The following ADAMTS19 variants were observed in gnomAD, a reference collection of about 807,000 sequenced individuals.
ADAMTS19 encodes the protein A disintegrin and metalloproteinase with thrombospondin motifs 19.
Under a neutral mutation model 153.3 loss-of-function variants are expected in ADAMTS19, and 93 were observed. That is an observed-to-expected ratio of 0.61 (90% confidence interval 0.51 to 0.72). The LOEUF (loss-of-function observed/expected upper bound fraction) is 0.72. Among genes scored for constraint, ADAMTS19 ranks in the 30% least tolerant of loss-of-function variants. ADAMTS19 has a pLI of 0.00. For synonymous variants in ADAMTS19, 600 were observed against 556.6 expected, an observed-to-expected ratio of 1.08 and a Z score of -1.10; for missense variants, 1,482 against 1,552.1, an observed-to-expected ratio of 0.95 and a Z score of 0.76.
intron 8 of ADAMTS19, among the ~76,000 whole-genome samples, chr5:129,599,831 G>T (rs755564349): frequency 6.6e-6 from 1 of 152,084 alleles, no homozygotes; most frequent in Admixed American, 6.6e-5. Context: ...ATAGAGATGT[G>T]CCAAAGGTAT....
chr5:129,581,213 T>G (rs1243283159), intron 7 of ADAMTS19, among the ~76,000 whole-genome samples: 1 of 152,030 alleles, frequency 6.6e-6, no homozygotes, highest in African/African-American at 2.4e-5. Flanking sequence ...TTTTCTAGTT[T>G]ATTTGCATTG....
chr5:129,468,858 C>T (rs1749966079), intron 2 of ADAMTS19, among the ~76,000 whole-genome samples: 1 of 151,890 alleles, frequency 6.6e-6, no homozygotes, highest in Non-Finnish European at 1.5e-5. Flanking sequence ...CTCACTGCAA[C>T]CTCCGTCTCC....
At chr5:129,487,079 A>T (rs1274590718) in intron 2 of ADAMTS19, among the ~76,000 whole-genome samples, 11 of 152,210 alleles carry the variant, frequency 7.2e-5, no homozygotes, top group Admixed American at 6.5e-5. Flanking sequence ...AATGTTTTCC[A>T]AGAATAATTT....
In ADAMTS19 at chr5:129,648,900, A is replaced by G. The variant is rs2127042735; in HGVS notation, c.2106A>G (p.Gln702=). 1.2e-6 allele frequency: 2 copies of G among 1,613,900 alleles called. No homozygotes were observed. The highest frequency in any genetic ancestry group is 1.1e-5 in the South Asian group (1 of 91,044). ...PAGLPGFRDW[Q]CQAYSVRTSS... ...GTTTGCCTGGATTCAGAGACTGGCA[A>G]TGTCAGGCTTATAGTGTTAGAACTT... The change falls in exon 13 of 23, where the codon CAA becomes CAG. Residue 702 remains glutamine, a synonymous_variant. Coordinates refer to ENST00000274487, the MANE Select transcript of ADAMTS19 (RefSeq NM_133638.6).
intron 21 of ADAMTS19, among the ~76,000 whole-genome samples, chr5:129,722,143 T>C (rs1034531113): frequency 6.6e-6 from 1 of 152,180 alleles, no homozygotes; most frequent in African/African-American, 2.4e-5. Flanking sequence ...GATCAAATGG[T>C]ATTTCTGGTT....
chr5:129,658,333 G>GAAAGAAAGAA (rs1753654561), intron 14 of ADAMTS19, among the ~76,000 whole-genome samples: 4 of 104,478 alleles, frequency 3.8e-5, no homozygotes, highest in African/African-American at 9.4e-5. Context: ...AAGAAAGAAA[G>GAAAGAAAGAA]AAAGAAAGAA....
intron 9 of ADAMTS19, 135 bp from the exon 10 acceptor site, chr5:129,622,063 T>A (rs1393072877): frequency 1.2e-6 from 1 of 815,208 alleles, no homozygotes; most frequent in African/African-American, 1.8e-5. Flanking sequence ...TATAGAATAA[T>A]TTCTATGAGT....
At chr5:129,720,694 A>G (rs1756962778) in intron 21 of ADAMTS19, among the ~76,000 whole-genome samples, 1 of 152,228 alleles carries the variant, frequency 6.6e-6, no homozygotes, top group South Asian at 2.1e-4. Flanking sequence ...CATGGAGTGC[A>G]GAAGCCATAC....
intron 7 of ADAMTS19, among the ~76,000 whole-genome samples, chr5:129,553,467 T>C (rs1753204002): frequency 6.6e-6 from 1 of 152,216 alleles, no homozygotes; most frequent in East Asian, 1.9e-4. Context: ...TGTGTTCTGA[T>C]AATCAGAGTA....
At chr5:129,524,026 A>T (rs976545001) in intron 3 of ADAMTS19, among the ~76,000 whole-genome samples, 4 of 152,132 alleles carry the variant, frequency 2.6e-5, no homozygotes, top group Admixed American at 6.5e-5. Flanking sequence ...CAAAAAGAAA[A>T]AAGCTGGGGG....
In ADAMTS19 at chr5:129,702,352, C is replaced by T. The variant is rs182058347; in HGVS notation, c.3159+760C>T. On this transcript the variant is annotated intron_variant, in intron 20 of 22. Transcript: ENST00000274487. ...ACTCATATAAACATACTTATATACT[C>T]ATGTTCACACATGTACCAACACACC... is the stretch of plus-strand genomic sequence containing the variant. Among the ~76,000 whole-genome samples, 16 of 152,282 alleles carry T rather than the reference C, an allele frequency of 1.1e-4. No individual in the cohort carries two copies. The East Asian group carries it at 2.9e-3, about 28-fold the overall frequency.
rs1753666749 is a variant in ADAMTS19 at position 129,658,347 on chromosome 5, A to AAGAAAGAAAGAAAGAAAGAGAGAGAGAG, written c.2305-251_2305-250insGAGAGAGAGAGAAAGAAAGAAAGAAAGA. ...AAAGAAAGAAAGAAAGAAAGAAAGA[A>AAGAAAGAAAGAAAGAAAGAGAGAGAGAG]AGAAAGAAAGAAAGAAAGAAAGAGA... On this transcript the variant is annotated intron_variant, in intron 14 of 22. Coordinates refer to ENST00000274487, the MANE Select transcript of ADAMTS19 (RefSeq NM_133638.6). Among the ~76,000 whole-genome samples, 52 of 116,054 alleles carry AAGAAAGAAAGAAAGAAAGAGAGAGAGAG rather than the reference A, an allele frequency of 4.5e-4. 3 individuals are homozygous for AAGAAAGAAAGAAAGAAAGAGAGAGAGAG. Among genetic ancestry groups the AAGAAAGAAAGAAAGAAAGAGAGAGAGAG allele is most frequent in the Middle Eastern group, 4.7e-3 (1 of 212 alleles). 76.1% of individuals were successfully genotyped at this position (116,054 alleles called of 152,430 possible).
In ADAMTS19 at chr5:129,634,113, G is replaced by A. The variant is rs952786572; in HGVS notation, c.1771-7746G>A. 2.0e-5 allele frequency among the ~76,000 whole-genome samples: 3 copies of A among 152,314 alleles called. No individual in the cohort carries two copies. In the South Asian group the frequency reaches 6.2e-4, roughly 32 times the overall value. ...TCTATCAGGTTAAAGCTGCAAAGATGATGAACTAACCTTGTGCCAGTGTTT... is the reference window on the plus strand; with the variant it reads ...TCTATCAGGTTAAAGCTGCAAAGATAATGAACTAACCTTGTGCCAGTGTTT... On this transcript the variant is annotated intron_variant, in intron 10 of 22. Transcript: ENST00000274487.
At chr5:129,486,649 A>T (rs926996179) in intron 2 of ADAMTS19, among the ~76,000 whole-genome samples, 1 of 152,080 alleles carries the variant, frequency 6.6e-6, no homozygotes. Flanking sequence ...TTGAAAAGCC[A>T]CTTACTTCCC....
At chr5:129,656,501 T>A (rs1000395634) in intron 14 of ADAMTS19, among the ~76,000 whole-genome samples, 1 of 152,202 alleles carries the variant, frequency 6.6e-6, no homozygotes, top group Non-Finnish European at 1.5e-5. Context: ...TGTGATTTTC[T>A]CTTACTGAAA....
intron 19 of ADAMTS19, among the ~76,000 whole-genome samples, chr5:129,696,568 G>A (rs941050271): frequency 8.5e-5 from 13 of 152,174 alleles, no homozygotes; most frequent in African/African-American, 3.1e-4. Flanking sequence ...TGTGGATCAT[G>A]ACCCATGACA....
intron 7 of ADAMTS19, among the ~76,000 whole-genome samples, chr5:129,560,950 C>T (rs1323733496): frequency 6.6e-6 from 1 of 152,034 alleles, no homozygotes; most frequent in Admixed American, 6.6e-5. Context: ...CTTTGTACTC[C>T]TTTACATTCT....
At chr5:129,523,901 T>C (rs914619249) in intron 3 of ADAMTS19, among the ~76,000 whole-genome samples, 5 of 152,194 alleles carry the variant, frequency 3.3e-5, no homozygotes, top group Non-Finnish European at 4.4e-5. Flanking sequence ...AAGTAATTTA[T>C]AGATTCAGTG....
intron 8 of ADAMTS19, among the ~76,000 whole-genome samples, chr5:129,609,073 T>C (rs1751068834): frequency 6.6e-6 from 1 of 152,208 alleles, no homozygotes. Flanking sequence ...AATGGCTATC[T>C]AAATATACTG....
Sources: allele counts gnomAD v4.1 joint callset (sites outside exome capture counted in the v4.1 genomes callset), GRCh38; gene constraint gnomAD v4.1.1; transcripts MANE v1.5; gene names NCBI Gene and HGNC (gene_info 2026-07-23, HGNC 2026-07-21).